The following UNC13C variants were observed in gnomAD, a reference collection of about 807,000 sequenced individuals.
UNC13C encodes the protein unc-13 homolog C, also known as protein unc-13 homolog C.
Under a neutral mutation model 245.4 loss-of-function variants are expected in UNC13C, and 174 were observed. That is an observed-to-expected ratio of 0.71 (90% CI 0.63 to 0.80). UNC13C has a LOEUF of 0.80. Among genes scored for constraint, UNC13C ranks in the 30% least tolerant of loss-of-function variants. UNC13C has a pLI of 0.00. For synonymous variants in UNC13C, 992 were observed against 895.1 expected (o/e 1.11, Z -1.93); for missense variants, 2,829 against 2,602.9 (o/e 1.09, Z -1.89).
chr15:54,301,274 T>A (rs890246579), intron 13 of UNC13C, among the ~76,000 whole-genome samples: 31 of 140,094 alleles, frequency 2.2e-4, no homozygotes, highest in African/African-American at 8.6e-4. Context: ...CCAAAATCAG[T>A]GTTCATTTTC....
intron 4 of UNC13C, among the ~76,000 whole-genome samples, chr15:54,155,005 A>G (rs1390527967): frequency 6.6e-6 from 1 of 152,212 alleles, no homozygotes; most frequent in Non-Finnish European, 1.5e-5. Context: ...AGAAATTTAA[A>G]TATCAGATGC....
intron 17 of UNC13C, among the ~76,000 whole-genome samples, chr15:54,370,767 G>C (rs1426470357): frequency 2.6e-5 from 4 of 151,882 alleles, no homozygotes. Flanking sequence ...AATAATATCT[G>C]AATATGGTAT....
At chr15:54,474,361 G>A (rs893453027) in intron 19 of UNC13C, among the ~76,000 whole-genome samples, 1 of 151,718 alleles carries the variant, frequency 6.6e-6, no homozygotes, top group African/African-American at 2.4e-5. Context: ...TCTGATAATA[G>A]CCATTCTAAC....
chr15:54,014,073 C>G lies in UNC13C; in HGVS notation c.1170C>G (p.Val390=), dbSNP rs993553593. ...YFETPQQRDS[V]LKKSYKLKGT... The stretch of plus-strand genomic sequence containing the variant: ...AAACCCCTCAACAAAGGGATTCTGT[C>G]TTAAAAAAGTCATATAAACTCAAAG... The change falls in exon 2 of 33, where the codon GTC becomes GTG. Residue 390 remains valine (V), a synonymous_variant. Coordinates refer to ENST00000260323, the MANE Select transcript of UNC13C (RefSeq NM_001080534.3). The G allele has an allele frequency of 1.2e-6, 2 of 1,613,712 alleles. No homozygotes were observed. The highest frequency in any genetic ancestry group is 1.7e-5 in the Admixed American group (1 of 59,938).
At chr15:54,364,610 TCA>T (rs1226500433) in intron 17 of UNC13C, among the ~76,000 whole-genome samples, 1 of 152,216 alleles carries the variant, frequency 6.6e-6, no homozygotes, top group Non-Finnish European at 1.5e-5. Context: ...GAGTAAGACT[TCA>T]CTGTAGTGAC....
intron 19 of UNC13C, among the ~76,000 whole-genome samples, chr15:54,446,536 A>G (rs553750064): frequency 9.9e-5 from 15 of 152,144 alleles, no homozygotes; most frequent in Admixed American, 2.0e-4. Context: ...ATTCCTAGGT[A>G]TTTTATTCTC....
At chr15:54,468,633 G>T (rs1892301260) in intron 19 of UNC13C, among the ~76,000 whole-genome samples, 1 of 151,582 alleles carries the variant, frequency 6.6e-6, no homozygotes, top group African/African-American at 2.4e-5. Context: ...TATAAGGGGT[G>T]AGTTAAGGGT....
intron 2 of UNC13C, among the ~76,000 whole-genome samples, chr15:54,078,162 C>T (rs1898737629): frequency 6.6e-6 from 1 of 152,108 alleles, no homozygotes; most frequent in African/African-American, 2.4e-5. Context: ...AAGCTGGAGG[C>T]TATACATGTG....
At chr15:54,253,413 T>G (rs2140871820) in intron 8 of UNC13C, among the ~76,000 whole-genome samples, 1 of 152,286 alleles carries the variant, frequency 6.6e-6, no homozygotes, top group South Asian at 2.1e-4. Flanking sequence ...TACCACCTTC[T>G]TGGCCCAAAA....
At chr15:54,005,730 T>C (rs542045619) in intron 1 of UNC13C, among the ~76,000 whole-genome samples, 1 of 152,310 alleles carries the variant, frequency 6.6e-6, no homozygotes, top group African/African-American at 2.4e-5. Flanking sequence ...CTCATTTGAA[T>C]GATTTGGAAC....
intron 30 of UNC13C, among the ~76,000 whole-genome samples, chr15:54,613,606 T>TAATGGAGAAAG: frequency 6.6e-6 from 1 of 152,112 alleles, no homozygotes; most frequent in Middle Eastern, 3.4e-3. Flanking sequence ...GAATTCATGA[T>TAATGGAGAAAG]AATGGAGAAA....
rs554306032 is a variant in UNC13C, at chr15:54,387,167, G to A, written c.4714-5881G>A. Among the ~76,000 whole-genome samples, 13 of 152,270 alleles carry A rather than the reference G, an allele frequency of 8.5e-5. No homozygotes were observed. The South Asian group carries it at 2.7e-3, about 32-fold the overall frequency. ...ACGGAGTAAAGTGAAAGCAAAGCAA[G>A]TTTATTAGAGCAACAGAGTACAGGA... On this transcript the variant is annotated intron_variant, in intron 17 of 32. Coordinates refer to ENST00000260323, the MANE Select transcript of UNC13C (RefSeq NM_001080534.3).
chr15:54,069,346 T>C (rs574867202), intron 2 of UNC13C, among the ~76,000 whole-genome samples: 13 of 152,154 alleles, frequency 8.5e-5, no homozygotes, highest in Non-Finnish European at 1.5e-4. Context: ...ACTGTCTCCT[T>C]TGTATCACAG....
At chr15:53,846,171 A>G in the UNC13C span, among the ~76,000 whole-genome samples, 11 of 152,164 alleles carry the variant, frequency 7.2e-5, no homozygotes, top group South Asian at 2.1e-4. Flanking sequence ...CATTAAATAC[A>G]TATTTTCAAT....
intron 10 of UNC13C, among the ~76,000 whole-genome samples, chr15:54,291,069 C>T (rs1596155408): frequency 6.6e-6 from 1 of 151,980 alleles, no homozygotes; most frequent in Admixed American, 6.6e-5. Flanking sequence ...GTCTTTGTTT[C>T]TACTTAGACT....
intron 22 of UNC13C, among the ~76,000 whole-genome samples, chr15:54,504,362 T>G: frequency 6.6e-6 from 1 of 152,280 alleles, no homozygotes; most frequent in East Asian, 1.9e-4. Context: ...TATATGCTAA[T>G]CACTTTATAC....
chr15:53,956,302 C>T, the UNC13C span, among the ~76,000 whole-genome samples: 2 of 152,126 alleles, frequency 1.3e-5, no homozygotes, highest in Admixed American at 6.6e-5. Flanking sequence ...AACAAAGCTA[C>T]ACGTGTACCA....
rs578000113 is a variant in UNC13C, at chr15:53,997,300, T to A, written c.-256-15348T>A. On this transcript the variant is annotated intron_variant, in intron 1 of 32. Transcript: ENST00000260323. Reference sequence around the variant, plus strand: ...AATTTTTTGGGTTGGTGTGTGTGCATGCATGTGAGTGTGATACAAATCAGA... The same window carrying A: ...AATTTTTTGGGTTGGTGTGTGTGCAAGCATGTGAGTGTGATACAAATCAGA... Among the ~76,000 whole-genome samples the A allele has an allele frequency of 2.1e-4, 32 of 152,324 alleles. 1 individual carries two copies. In the South Asian group the frequency reaches 6.4e-3, roughly 31 times the overall value.
intron 4 of UNC13C, among the ~76,000 whole-genome samples, chr15:54,219,754 A>G (rs1357122843): frequency 3.3e-5 from 5 of 151,800 alleles, no homozygotes; most frequent in African/African-American, 1.2e-4. Context: ...AATTTACAAG[A>G]AAAAAACAAC....
Sources: gnomAD v4.1 joint callset for allele counts (sites outside exome capture counted in the v4.1 genomes callset) on GRCh38, gnomAD v4.1.1 for gene constraint, MANE v1.5 for transcripts, NCBI Gene and HGNC (gene_info 2026-07-23, HGNC 2026-07-21) for gene names.